The following ADAMTSL1 variants were observed in gnomAD, a reference collection of about 807,000 sequenced individuals.
The protein encoded by ADAMTSL1 is ADAMTS like 1, also known as ADAMTS-like protein 1.
Under a neutral mutation model 201.8 loss-of-function variants are expected in ADAMTSL1, and 126 were observed. The observed-to-expected ratio is 0.62, with a 90% CI of 0.54 to 0.72. The LOEUF (loss-of-function observed/expected upper bound fraction) is 0.72, where lower values mean the gene tolerates loss of function less well. ADAMTSL1 is among the 30% of genes least tolerant of loss of function. The probability of loss-of-function intolerance (pLI) is 0.00; values close to 1 mark genes in which losing one functional copy is unlikely to be tolerated. For synonymous variants in ADAMTSL1, 1,121 were observed against 903.4 expected, an observed-to-expected ratio of 1.24 and a Z score of -4.32; for missense variants, 2,679 against 2,277.8, an observed-to-expected ratio of 1.18 and a Z score of -3.59.
At position 18,510,956 on chromosome 9, in the gene ADAMTSL1, A is replaced by G. The variant is rs192176522; in HGVS notation, c.191+6000A>G. On this transcript the variant is annotated intron_variant, in intron 2 of 28. Transcript: ENST00000380548. ...AAAAAATATTTAATACTAAAGATCT[A>G]TCTTTCAGAGCTCTAGGTTTATCTT... Among the ~76,000 whole-genome samples the G allele has an allele frequency of 3.5e-3, 529 of 152,272 alleles. 3 individuals are homozygous for G. The highest frequency in any genetic ancestry group is 0.02 in the Middle Eastern group (6 of 294).
chr9:18,711,304 C>A (rs542786217), intron 14 of ADAMTSL1, among the ~76,000 whole-genome samples: 2 of 152,162 alleles, frequency 1.3e-5, no homozygotes, highest in Admixed American at 1.3e-4. Flanking sequence ...ACGCAGAAGA[C>A]GGGTGATTTC....
rs199727189 is a variant in ADAMTSL1, at chr9:18,626,840, T to TCTTTCC, written c.601+4471_601+4472insCTTTCC. On this transcript the variant is annotated intron_variant, in intron 5 of 28. Transcript: ENST00000380548. ...TTCTTTCTTTCTTTCTTACTTTCTTTTTCTTTCTTTCTTTCTTTCTTTCTT... is the reference window on the plus strand; with the variant it reads ...TTCTTTCTTTCTTTCTTACTTTCTTTCTTTCCTTCTTTCTTTCTTTCTTTCTTTCTT... Among the ~76,000 whole-genome samples the TCTTTCC allele has an allele frequency of 5.4e-3, 423 of 78,376 alleles. 1 individual carries two copies. The highest frequency in any genetic ancestry group is 0.021 in the African/African-American group (391 of 18,708). The allele number at this position is 78,376 out of a possible 152,430, so 51.4% of individuals were successfully genotyped here.
chr9:18,876,300 A>ATGTGTGTG (rs1828143325), intron 23 of ADAMTSL1, among the ~76,000 whole-genome samples: 1 of 47,492 alleles, frequency 2.1e-5, no homozygotes, highest in Admixed American at 1.7e-4. Flanking sequence ...TTGCCTGAAT[A>ATGTGTGTG]CGTGTGTGTG....
At chr9:18,633,063 G>GT (rs1826878010) in intron 5 of ADAMTSL1, among the ~76,000 whole-genome samples, 2 of 152,296 alleles carry the variant, frequency 1.3e-5, no homozygotes, top group South Asian at 4.1e-4. Context: ...TTTATGGAAT[G>GT]TGAGTCACTT....
At chr9:18,630,113 C>A (rs902602698) in intron 5 of ADAMTSL1, among the ~76,000 whole-genome samples, 1 of 152,028 alleles carries the variant, frequency 6.6e-6, no homozygotes, top group African/African-American at 2.4e-5. Context: ...GTTCTGGGAG[C>A]AGTTAAGTTA....
intron 1 of ADAMTSL1, among the ~76,000 whole-genome samples, chr9:17,908,488 C>A (rs1825808437): frequency 6.6e-6 from 1 of 151,736 alleles, no homozygotes; most frequent in African/African-American, 2.4e-5. Flanking sequence ...CGGAGTTTCA[C>A]TCTCGTTGCC....
At chr9:18,582,045 C>A (rs1274123147) in intron 4 of ADAMTSL1, among the ~76,000 whole-genome samples, 3 of 152,284 alleles carry the variant, frequency 2.0e-5, no homozygotes, top group East Asian at 3.9e-4. Flanking sequence ...GGTATCCAAG[C>A]CATCAAACAA....
intron 2 of ADAMTSL1, among the ~76,000 whole-genome samples, chr9:18,209,694 T>C (rs890424353): frequency 6.6e-6 from 1 of 152,192 alleles, no homozygotes. Flanking sequence ...GATACCCTTA[T>C]TCATGTAAAC....
chr9:18,013,835 T>C (rs2131563247), intron 1 of ADAMTSL1, among the ~76,000 whole-genome samples: 1 of 152,126 alleles, frequency 6.6e-6, no homozygotes, highest in East Asian at 2.0e-4. Flanking sequence ...ATCTTGCCAG[T>C]TGAACATGGG....
chr9:18,616,089 C>T (rs1374709214), intron 4 of ADAMTSL1, among the ~76,000 whole-genome samples: 7 of 152,056 alleles, frequency 4.6e-5, no homozygotes, highest in Non-Finnish European at 8.8e-5. Flanking sequence ...GGAGTGACGC[C>T]ATCTCGGCTC....
chr9:18,178,685 C>T (rs369025681), intron 2 of ADAMTSL1, among the ~76,000 whole-genome samples: 81 of 151,374 alleles, frequency 5.4e-4, no homozygotes, highest in Non-Finnish European at 6.9e-4. Flanking sequence ...GATCTGAGAA[C>T]GGGCAGACTG....
At chr9:18,039,024 C>G (rs1237629090) in intron 1 of ADAMTSL1, among the ~76,000 whole-genome samples, 1 of 151,708 alleles carries the variant, frequency 6.6e-6, no homozygotes, top group East Asian at 1.9e-4. Context: ...TAACCCAGAG[C>G]CTAACCCAGA....
chr9:18,095,773 C>A (rs1238796614), intron 1 of ADAMTSL1, among the ~76,000 whole-genome samples: 1 of 152,122 alleles, frequency 6.6e-6, no homozygotes, highest in Non-Finnish European at 1.5e-5. Flanking sequence ...TCAGTCTCAT[C>A]TTGCATAATT....
At chr9:18,897,835 G>A (rs1363663894) in intron 26 of ADAMTSL1, among the ~76,000 whole-genome samples, 1 of 152,166 alleles carries the variant, frequency 6.6e-6, no homozygotes, top group Admixed American at 6.6e-5. Context: ...CAAGGGCACA[G>A]AAGTGGGCTG....
Position 18,491,124 on chromosome 9 carries a change from C to T in ADAMTSL1, c.64-13705C>T, listed in dbSNP as rs531936073. On this transcript the variant is annotated intron_variant, in intron 1 of 28. Coordinates refer to ENST00000380548, the MANE Select transcript of ADAMTSL1 (RefSeq NM_001040272.6). ...GTGTGTGAAATTGATTTCTGAGGCCCAGCACCAGAGACAGAGAGGCTGTGA... is the reference window on the plus strand; with the variant it reads ...GTGTGTGAAATTGATTTCTGAGGCCTAGCACCAGAGACAGAGAGGCTGTGA... Among the ~76,000 whole-genome samples the T allele has an allele frequency of 1.2e-4, 19 of 152,210 alleles. No individual in the cohort carries two copies. In the South Asian group the frequency reaches 3.9e-3, roughly 32 times the overall value.
At chr9:18,276,154 T>C (rs75142242) in intron 2 of ADAMTSL1, among the ~76,000 whole-genome samples, 2,283 of 152,244 alleles carry the variant, frequency 0.015, 67 homozygotes, top group African/African-American at 0.053. Flanking sequence ...TAATGAGTTG[T>C]TTTTTCAGAC....
At chr9:18,889,214 A>AAAGT (rs1563891298) in intron 24 of ADAMTSL1, among the ~76,000 whole-genome samples, 64 of 152,054 alleles carry the variant, frequency 4.2e-4, no homozygotes, top group Admixed American at 3.1e-3. Flanking sequence ...ATGAGGAAAA[A>AAAGT]AAAGTACTGT....
At position 18,787,798 on chromosome 9, in the gene ADAMTSL1, T is replaced by C. The variant is rs570467623; in HGVS notation, c.3678-7599T>C. Among the ~76,000 whole-genome samples, 25 of 152,292 alleles carry C rather than the reference T, an allele frequency of 1.6e-4. No individual in the cohort carries two copies. In the East Asian group the frequency reaches 4.2e-3, roughly 26 times the overall value. The stretch of plus-strand genomic sequence containing the variant: ...CTTTATTTATAAAAGCAAGTGGTAA[T>C]TGGCTGCAGTTTGAGGACCCCTATC... On this transcript the variant is annotated intron_variant, in intron 19 of 28. Coordinates refer to ENST00000380548, the MANE Select transcript of ADAMTSL1 (RefSeq NM_001040272.6).
intron 7 of ADAMTSL1, among the ~76,000 whole-genome samples, chr9:18,652,046 A>G (rs1028293542): frequency 6.6e-6 from 1 of 152,262 alleles, no homozygotes; most frequent in Middle Eastern, 3.4e-3. Flanking sequence ...GTTTTGAAAT[A>G]GTGATACATA....
Sources: allele counts gnomAD v4.1 joint callset (sites outside exome capture counted in the v4.1 genomes callset), GRCh38; gene constraint gnomAD v4.1.1; transcripts MANE v1.5; gene names NCBI Gene and HGNC (gene_info 2026-07-23, HGNC 2026-07-21).